The following GLIS2 variants were observed in gnomAD, a reference collection of about 807,000 sequenced individuals.
GLIS2 encodes the protein GLIS family zinc finger 2.
GLIS2 carries 14 observed loss-of-function variants against 35.6 expected under a neutral mutation model. The observed-to-expected ratio is 0.39, with a 90% CI of 0.26 to 0.61. GLIS2 has a LOEUF of 0.61. Among genes scored for constraint, GLIS2 ranks in the 20% least tolerant of loss-of-function variants. GLIS2 has a pLI of 0.48. For missense variants in GLIS2, 675 were observed against 713.4 expected, an observed-to-expected ratio of 0.95 and a Z score of 0.61; for synonymous variants, 368 against 325.1, an observed-to-expected ratio of 1.13 and a Z score of -1.42.
Position 4,337,454 on chromosome 16 carries a change from A to G in GLIS2, c.1505A>G (p.Glu502Gly). The G allele has an allele frequency of 6.3e-7, 1 of 1,578,270 alleles. No homozygotes were observed. ...GTCAACTCAGCTGCCAGCAGCCCAG[A>G]GGCGTTGGCCCCTGGCTGGGTGGTC... ...TGVNSAASSP[E>G]ALAPGWVVIP... Residue 502 changes from glutamate (E) to glycine (G), a missense_variant, in exon 7 of 7, where the codon GAG (glutamate) becomes GGG (glycine). By Grantham distance (98) the Glu-to-Gly change is moderately conservative (BLOSUM62 -2). Transcript: ENST00000433375.
chr16:4,335,773 AAC>A lies in GLIS2; in HGVS notation c.775+384_775+385del. The A allele has an allele frequency of 3.8e-6, 1 of 265,774 alleles. No homozygotes were observed. Among genetic ancestry groups the A allele is most frequent in the African/African-American group, 2.2e-5 (1 of 46,086 alleles). 16.5% of individuals were successfully genotyped at this position (265,774 alleles called of 1,614,324 possible). On this transcript the variant is annotated intron_variant, in intron 6 of 6. Transcript: ENST00000433375. The surrounding 1 kb of genome is among the most constrained non-coding windows in gnomAD (Gnocchi z 4.6). ...TTTACATTTCCTAATCGCTGCATAA[AAC>A]ACAGCAAAAATAAATGGGTGAAATT...
chr16:4,323,797 T>C (rs926343711), intron 1 of GLIS2, among the ~76,000 whole-genome samples: 2 of 152,230 alleles, frequency 1.3e-5, no homozygotes, highest in Non-Finnish European at 2.9e-5. Context: ...AAGAATCCTT[T>C]AGGTTACCAG....
chr16:4,321,749 C>T (rs973476640), intron 1 of GLIS2, among the ~76,000 whole-genome samples: 3 of 152,144 alleles, frequency 2.0e-5, no homozygotes, highest in Non-Finnish European at 4.4e-5. Context: ...AGCTGCCCGG[C>T]GTCCCAGACA....
intron 1 of GLIS2, among the ~76,000 whole-genome samples, chr16:4,319,866 T>C (rs1196634086): frequency 6.6e-6 from 1 of 152,096 alleles, no homozygotes; most frequent in Non-Finnish European, 1.5e-5. Flanking sequence ...GGTACTCGCC[T>C]TCCACTCCCC....
At chr16:4,334,237 C>CA (rs1567223187) in intron 3 of GLIS2, among the ~76,000 whole-genome samples, 1 of 146,762 alleles carries the variant, frequency 6.8e-6, no homozygotes, top group Non-Finnish European at 1.5e-5. Context: ...CTGTGCCCGG[C>CA]CTTTTTTTTT....
At chr16:4,321,588 G>A (rs1372069320) in intron 1 of GLIS2, among the ~76,000 whole-genome samples, 1 of 152,138 alleles carries the variant, frequency 6.6e-6, no homozygotes, top group African/African-American at 2.4e-5. Context: ...TGTGGATGGG[G>A]AAACCCAGGC....
chr16:4,322,862 C>A (rs1467113718), intron 1 of GLIS2, among the ~76,000 whole-genome samples: 3 of 152,210 alleles, frequency 2.0e-5, no homozygotes, highest in Non-Finnish European at 2.9e-5. Context: ...GGGCCTGCCC[C>A]GACCCCCCAG....
chr16:4,338,102 GC>G lies in GLIS2; in HGVS notation c.*584del, dbSNP rs2053578618. ...CCTGCAAAGCCCCAGGTAGAAGCAT[GC>G]CCCCCAGGACAAGGCGCCTCCCACT... On this transcript the variant is annotated 3_prime_UTR_variant, in exon 7 of 7. Coordinates refer to ENST00000433375, the MANE Select transcript of GLIS2 (RefSeq NM_032575.3). The G allele has an allele frequency of 5.9e-6, 1 of 169,068 alleles. No individual in the cohort carries two copies. Among genetic ancestry groups the G allele is most frequent in the Non-Finnish European group, 1.3e-5 (1 of 77,886 alleles). The allele number at this position is 169,068 out of a possible 1,614,324, so 10.5% of individuals were successfully genotyped here.
chr16:4,328,073 T>A (rs776950674), intron 1 of GLIS2, among the ~76,000 whole-genome samples: 36 of 152,136 alleles, frequency 2.4e-4, no homozygotes, highest in Non-Finnish European at 1.0e-4. Flanking sequence ...CAGAGGGGCG[T>A]GGGGCCGGCG....
At position 4,334,893 on chromosome 16, in the gene GLIS2, C is replaced by T. The variant is rs1331400191; in HGVS notation, c.438C>T (p.Ala146=). Residue 146 remains alanine (A), a synonymous_variant, in exon 4 of 7, where the codon GCC becomes GCT. Transcript: ENST00000433375. Reference sequence around the variant, plus strand: ...CCGGGGGGGCCCTGCACCTGCCTGCCTCCTCCTTCCTTACCCCTCCCAAGG... The same window carrying T: ...CCGGGGGGGCCCTGCACCTGCCTGCTTCCTCCTTCCTTACCCCTCCCAAGG... ...LGSGGALHLP[A]SSFLTPPKDK... is the part of the protein sequence containing the mutation. 1 of 1,613,214 alleles carries T rather than the reference C, an allele frequency of 6.2e-7. No individual in the cohort carries two copies. The highest frequency in any genetic ancestry group is 8.5e-7 in the Non-Finnish European group (1 of 1,180,032).
chr16:4,315,971 G>T (rs1379101488), upstream of GLIS2, among the ~76,000 whole-genome samples: 2 of 144,812 alleles, frequency 1.4e-5, no homozygotes, highest in African/African-American at 5.1e-5. Context: ...CCTCCTCCGC[G>T]GCCGGCGGGC....
chr16:4,332,442 C>A lies in GLIS2; in HGVS notation c.162C>A (p.Ser54=), dbSNP rs1298185990. Residue 54 remains serine, a synonymous_variant, in exon 2 of 7, where the codon TCC becomes TCA. Transcript: ENST00000433375. This position sits in a 1 kb window ranked among gnomAD's most constrained non-coding sequence, Gnocchi z 5.4. ...GCCCCACACCTGGCTCTCCAGGCTC[C>A]CCGCCCTCAGGTACTGGCCCTGGGC... The part of the protein sequence containing the change: ...DDSPTPGSPG[S]PPSGFLLNSK... The A allele has an allele frequency of 6.2e-7, 1 of 1,611,702 alleles. No individual in the cohort carries two copies. Among genetic ancestry groups the A allele is most frequent in the East Asian group, 2.2e-5 (1 of 44,878 alleles).
intron 1 of GLIS2, among the ~76,000 whole-genome samples, chr16:4,323,460 CG>C (rs557237259): frequency 6.6e-6 from 1 of 152,086 alleles, no homozygotes; most frequent in African/African-American, 2.4e-5. Context: ...GGGCAGGCAG[CG>C]GGGGGGTGGA....
intron 6 of GLIS2, 71 bp from the exon 7 acceptor site, chr16:4,336,654 T>C (rs2053554183): frequency 1.4e-6 from 2 of 1,459,564 alleles, no homozygotes; most frequent in Non-Finnish European, 1.9e-6. Context: ...GGGGAAATGT[T>C]GAGTGCATGG....
At chr16:4,316,060 C>T (rs1309709539), upstream of GLIS2, among the ~76,000 whole-genome samples, 1 of 144,624 alleles carries the variant, frequency 6.9e-6, no homozygotes, top group Non-Finnish European at 1.5e-5. Flanking sequence ...GCCCGGCCGC[C>T]GCGGCCACCT....
At position 4,335,177 on chromosome 16, in the gene GLIS2, C is replaced by T; in HGVS notation, c.640C>T (p.Arg214Ter). Residue 214 changes from arginine (R) to a stop codon, truncating the protein, a stop_gained, in exon 5 of 7, where the codon CGA becomes TGA. Transcript: ENST00000433375. LOFTEE classifies it high-confidence loss of function. The surrounding 1 kb of genome is among the most constrained non-coding windows in gnomAD (Gnocchi z 4.6). ...CTGGGAGGGCTGCGCCCGCCATGGCCGAGGTTTCAACGCCAGGTGAGGTGG... is the reference window on the plus strand; with the variant it reads ...CTGGGAGGGCTGCGCCCGCCATGGCTGAGGTTTCAACGCCAGGTGAGGTGG... ...CHWEGCARHG[R>*]GFNARYKMLI... 3 of 1,613,446 alleles carry T rather than the reference C, an allele frequency of 1.9e-6. No homozygotes were observed. The highest frequency in any genetic ancestry group is 2.5e-6 in the Non-Finnish European group (3 of 1,180,024).
At position 4,335,240 on chromosome 16, in the gene GLIS2, G is replaced by A. The variant is rs748040914; in HGVS notation, c.657-35G>A. ...TAGAGGGAGGACTGGGGTCTCCAGTGAGCTGAGCCGTGCCCCCCGCCCTCC... is the reference window on the plus strand; with the variant it reads ...TAGAGGGAGGACTGGGGTCTCCAGTAAGCTGAGCCGTGCCCCCCGCCCTCC... On this transcript the variant is annotated intron_variant, in intron 5 of 6. Transcript: ENST00000433375. The surrounding 1 kb of genome is among the most constrained non-coding windows in gnomAD (Gnocchi z 4.6). 1 of 1,613,644 alleles carries A rather than the reference G, an allele frequency of 6.2e-7. No homozygotes were observed. Among genetic ancestry groups the A allele is most frequent in the Non-Finnish European group, 8.5e-7 (1 of 1,180,008 alleles).
rs930580249 is a variant in GLIS2 at position 4,335,640 on chromosome 16, TCTGA to T, written c.775+250_775+253del. On this transcript the variant is annotated intron_variant, in intron 6 of 6. Coordinates refer to ENST00000433375, the MANE Select transcript of GLIS2 (RefSeq NM_032575.3). This position sits in a 1 kb window ranked among gnomAD's most constrained non-coding sequence, Gnocchi z 4.6. ...CATTTCCTGGTTCCCGTGGGTATCT[TCTGA>T]CTAATGCCACCTCTGTGATCGCAGA... Among the ~76,000 whole-genome samples, 2 of 152,198 alleles carry T rather than the reference TCTGA, an allele frequency of 1.3e-5. No homozygotes were observed. The highest frequency in any genetic ancestry group is 4.8e-5 in the African/African-American group (2 of 41,448).
chr16:4,318,978 G>T (rs984160201), intron 1 of GLIS2, among the ~76,000 whole-genome samples: 1 of 152,146 alleles, frequency 6.6e-6, no homozygotes, highest in East Asian at 1.9e-4. Flanking sequence ...GCTCTTGTGG[G>T]GCATCTTGGG....
Sources: allele counts gnomAD v4.1 joint callset (sites outside exome capture counted in the v4.1 genomes callset), GRCh38; gene constraint gnomAD v4.1.1; non-coding constraint Gnocchi (gnomAD v3.1); transcripts MANE v1.5; gene names NCBI Gene and HGNC (gene_info 2026-07-23, HGNC 2026-07-21).